TTC39B: variants seen among roughly 807,000 people sequenced by gnomAD.
The protein encoded by TTC39B is tetratricopeptide repeat domain 39B, also known as tetratricopeptide repeat protein 39B.
A neutral mutation model predicts 96.6 loss-of-function variants in TTC39B; 92 were observed. The observed-to-expected ratio is 0.95, with a 90% CI of 0.80 to 1.13. TTC39B has a LOEUF of 1.13. Among genes scored for constraint, TTC39B ranks in the 50% most tolerant of loss-of-function variants. TTC39B has a pLI of 0.00. For synonymous variants in TTC39B, 367 were observed against 299.4 expected, an observed-to-expected ratio of 1.23 and a Z score of -2.33; for missense variants, 955 against 809.3, an observed-to-expected ratio of 1.18 and a Z score of -2.18.
Position 15,269,385 on chromosome 9 carries a change from A to G in TTC39B, c.241-1437T>C, listed in dbSNP as rs575815619. Among the ~76,000 whole-genome samples, 331 of 152,354 alleles carry G rather than the reference A, an allele frequency of 2.2e-3. 2 individuals are homozygous for G. The highest frequency in any genetic ancestry group is 0.014 in the Middle Eastern group (4 of 294). Reference sequence around the variant, plus strand: ...TGCCTAATGAATGAATGAATGAATGAATGGAACCTGGACCGCCAAGGGACT... The same window carrying G: ...TGCCTAATGAATGAATGAATGAATGGATGGAACCTGGACCGCCAAGGGACT... On this transcript the variant is annotated intron_variant, in intron 1 of 19. Coordinates refer to ENST00000512701, the Ensembl canonical transcript of TTC39B.
intron 2 of TTC39B, among the ~76,000 whole-genome samples, chr9:15,246,396 T>G (rs1386433591): frequency 6.6e-6 from 1 of 152,158 alleles, no homozygotes; most frequent in Non-Finnish European, 1.5e-5. Flanking sequence ...CTTGGGGTTT[T>G]AGTTGAGGAG....
exon 1 of TTC39B, chr9:15,307,196 G>A: frequency 1.3e-6 from 2 of 1,573,118 alleles, no homozygotes; most frequent in Non-Finnish European, 1.7e-6. Context: ...TCTCGGCTCT[G>A]GGCTCAGCCC....
At chr9:15,228,002 G>T (rs1821218290) in intron 2 of TTC39B, among the ~76,000 whole-genome samples, 2 of 151,696 alleles carry the variant, frequency 1.3e-5, no homozygotes, top group African/African-American at 2.4e-5. Flanking sequence ...TAAATAAATG[G>T]TACAAGATAG....
intron 4 of TTC39B, among the ~76,000 whole-genome samples, chr9:15,213,431 T>G (rs1380927931): frequency 2.0e-5 from 3 of 152,192 alleles, no homozygotes; most frequent in African/African-American, 7.2e-5. Flanking sequence ...CCATAGCAGC[T>G]CCTCAGCAGG....
intron 1 of TTC39B, among the ~76,000 whole-genome samples, chr9:15,273,554 C>A (rs1342690582): frequency 1.3e-5 from 2 of 152,152 alleles, no homozygotes; most frequent in East Asian, 1.9e-4. Context: ...GATGACTTCA[C>A]AGGCCTGAGA....
intron 1 of TTC39B, among the ~76,000 whole-genome samples, chr9:15,287,688 G>GA (rs1243652067): frequency 2.7e-5 from 4 of 150,228 alleles, no homozygotes; most frequent in East Asian, 1.9e-4. Context: ...AACCTTTAGG[G>GA]AAAAAAAAAT....
chr9:15,245,779 A>G (rs1822245268), intron 2 of TTC39B, among the ~76,000 whole-genome samples: 1 of 152,220 alleles, frequency 6.6e-6, no homozygotes, highest in South Asian at 2.1e-4. Flanking sequence ...CATCCATACC[A>G]CTTGGTCACT....
chr9:15,234,117 C>A (rs1342155076), intron 2 of TTC39B, among the ~76,000 whole-genome samples: 1 of 150,816 alleles, frequency 6.6e-6, no homozygotes, highest in African/African-American at 2.4e-5. Flanking sequence ...TGTCTCTGCC[C>A]GGCCGCCCCG....
Position 15,214,133 on chromosome 9 carries a change from A to C in TTC39B, c.482+6T>G, listed in dbSNP as rs1201486612. ...TATTTTATCTAAAAGAGACAAAGTA[A>C]ATTACCAGGGGCGAAGCAATTCTAA... On this transcript the variant is annotated splice_donor_region_variant and intron_variant, in intron 4 of 19. Coordinates refer to ENST00000512701, the Ensembl canonical transcript of TTC39B. The C allele has an allele frequency of 6.2e-7, 1 of 1,602,438 alleles. No individual in the cohort carries two copies. Among genetic ancestry groups the C allele is most frequent in the Non-Finnish European group, 8.5e-7 (1 of 1,170,470 alleles).
intron 8 of TTC39B, among the ~76,000 whole-genome samples, chr9:15,195,636 C>A (rs1819118732): frequency 7.0e-6 from 1 of 142,824 alleles, no homozygotes; most frequent in Admixed American, 7.4e-5. Flanking sequence ...TGCCACTGCA[C>A]TCCAGCCTGG....
At chr9:15,211,007 G>C (rs1820163090) in intron 5 of TTC39B, among the ~76,000 whole-genome samples, 1 of 152,138 alleles carries the variant, frequency 6.6e-6, no homozygotes, top group Non-Finnish European at 1.5e-5. Flanking sequence ...TCTACATTGA[G>C]AGATGCTTGC....
chr9:15,182,506 G>A (rs892709702), intron 16 of TTC39B, 91 bp from the exon 17 acceptor site: 25 of 848,500 alleles, frequency 2.9e-5, no homozygotes, highest in Non-Finnish European at 3.6e-5. Flanking sequence ...GTTTTGCTTC[G>A]GTTTCTAGGA....
intron 2 of TTC39B, among the ~76,000 whole-genome samples, chr9:15,228,536 C>T (rs1200208507): frequency 6.6e-6 from 1 of 152,190 alleles, no homozygotes; most frequent in African/African-American, 2.4e-5. Flanking sequence ...CAAATGGAAA[C>T]TCAACTCACC....
At chr9:15,271,734 T>G (rs983253603) in intron 1 of TTC39B, among the ~76,000 whole-genome samples, 1 of 152,218 alleles carries the variant, frequency 6.6e-6, no homozygotes, top group African/African-American at 2.4e-5. Flanking sequence ...CCCAGCTTTA[T>G]GTATAACCTA....
chr9:15,234,898 GCCGCAGGGT>G (rs1013591832), intron 2 of TTC39B, among the ~76,000 whole-genome samples: 1 of 151,786 alleles, frequency 6.6e-6, no homozygotes, highest in Non-Finnish European at 1.5e-5. Flanking sequence ...ACTGCGGAAG[GCCGCAGGGT>G]CCTCTGCCTA....
chr9:15,270,659 AGTCCCAGCTACTC>A (rs914573775), intron 1 of TTC39B, among the ~76,000 whole-genome samples: 11 of 151,922 alleles, frequency 7.2e-5, no homozygotes, highest in African/African-American at 2.7e-4. Context: ...GCACACCTGT[AGTCCCAGCTACTC>A]GAGAGGCTGA....
At chr9:15,189,830 A>T (rs1435753738) in intron 11 of TTC39B, 38 bp from the exon 12 acceptor site, 1 of 1,411,642 alleles carries the variant, frequency 7.1e-7, no homozygotes. Context: ...TCTTCATAAG[A>T]CATGGGGATA....
chr9:15,258,090 G>A lies in TTC39B; in HGVS notation c.275+9824C>T, dbSNP rs919599400. On this transcript the variant is annotated intron_variant, in intron 2 of 19. Transcript: ENST00000512701. Reference sequence around the variant, plus strand: ...AAAATAAAATAAGATAACTTGGGCTGCTGTATGGAGAGTAAGTGGGGTGCA... The same window carrying A: ...AAAATAAAATAAGATAACTTGGGCTACTGTATGGAGAGTAAGTGGGGTGCA... Among the ~76,000 whole-genome samples, 3 of 152,144 alleles carry A rather than the reference G, an allele frequency of 2.0e-5. No individual in the cohort carries two copies. In the East Asian group the frequency reaches 5.8e-4, roughly 30 times the overall value.
In TTC39B at chr9:15,307,101, C is replaced by A. The variant is rs1430939667; in HGVS notation, c.223G>T (p.Glu75Ter). Reference sequence around the variant, plus strand: ...GATCGTACCTCGTCCGCTTCCAGCTCCGCTCGGCTGCCTAAGAGCGCCATA... The same window carrying A: ...GATCGTACCTCGTCCGCTTCCAGCTACGCTCGGCTGCCTAAGAGCGCCATA... The change falls in exon 1 of 20, where the codon GAG becomes TAG. Residue 75 changes from glutamate (E) to a stop codon, truncating the protein, a stop_gained. Coordinates refer to ENST00000512701, the Ensembl canonical transcript of TTC39B. LOFTEE classifies it high-confidence loss of function. The A allele has an allele frequency of 8.1e-6, 13 of 1,610,606 alleles. No homozygotes were observed. The highest frequency in any genetic ancestry group is 2.2e-5 in the East Asian group (1 of 44,776).
Sources: gnomAD v4.1 joint callset for allele counts (sites outside exome capture counted in the v4.1 genomes callset) on GRCh38, gnomAD v4.1.1 for gene constraint, MANE v1.5 for transcripts, NCBI Gene and HGNC (gene_info 2026-07-23, HGNC 2026-07-21) for gene names.